The following TAOK3 variants were observed in gnomAD, a reference collection of about 807,000 sequenced individuals.
TAOK3 encodes the protein TAO kinase 3, also known as serine/threonine-protein kinase TAO3.
TAOK3 carries 40 observed loss-of-function variants against 120.4 expected under a neutral mutation model. That is an observed-to-expected ratio of 0.33 (90% CI 0.26 to 0.43). The LOEUF is 0.43. Among genes scored for constraint, TAOK3 ranks in the 20% least tolerant of loss-of-function variants. The probability of loss-of-function intolerance (pLI) is 1.00; values close to 1 mark genes in which losing one functional copy is unlikely to be tolerated. For synonymous variants in TAOK3, 355 were observed against 387.5 expected (o/e 0.92, Z 0.99); for missense variants, 821 against 1,112.1 (o/e 0.74, Z 3.72).
In TAOK3 at chr12:118,363,896, C is replaced by T. The variant is rs770544690; in HGVS notation, c.-194+8752G>A. 1.2e-4 allele frequency among the ~76,000 whole-genome samples: 18 copies of T among 152,036 alleles called. No individual in the cohort carries two copies. The East Asian group carries it at 1.9e-3, about 16-fold the overall frequency. The stretch of plus-strand genomic sequence containing the variant: ...CAACAGTTTGGGAGGCTGAGGTGGG[C>T]GGATCACCTGAGTTTGGGAGTTTGA... On this transcript the variant is annotated intron_variant, in intron 1 of 20. Coordinates refer to ENST00000392533, the MANE Select transcript of TAOK3 (RefSeq NM_016281.4).
chr12:118,305,791 C>A (rs2043029565), intron 1 of TAOK3, among the ~76,000 whole-genome samples: 1 of 150,058 alleles, frequency 6.7e-6, no homozygotes, highest in Non-Finnish European at 1.5e-5. Flanking sequence ...GTAATCCCAG[C>A]TATTTGGGAG....
intron 16 of TAOK3, among the ~76,000 whole-genome samples, chr12:118,176,621 A>G (rs958618802): frequency 6.6e-6 from 1 of 152,166 alleles, no homozygotes; most frequent in Non-Finnish European, 1.5e-5. Context: ...CTTGTTAGAA[A>G]CACAAATTTT....
chr12:118,163,258 C>T (rs1221061085), intron 17 of TAOK3, among the ~76,000 whole-genome samples: 2 of 152,300 alleles, frequency 1.3e-5, no homozygotes, highest in East Asian at 3.9e-4. Context: ...AGGGAATATA[C>T]TGATGCCTAA....
intron 11 of TAOK3, among the ~76,000 whole-genome samples, chr12:118,203,907 AATGCCCCTTAT>A (rs1472987663): frequency 6.6e-6 from 1 of 152,188 alleles, no homozygotes; most frequent in Non-Finnish European, 1.5e-5. Context: ...CAAAAGGGCA[AATGCCCCTTAT>A]ATAGCCCCTT....
chr12:118,165,868 T>TA (rs1490931887), intron 17 of TAOK3, among the ~76,000 whole-genome samples: 1 of 152,254 alleles, frequency 6.6e-6, no homozygotes, highest in Non-Finnish European at 1.5e-5. Context: ...AAAAACATGA[T>TA]ACTGAAATGG....
At chr12:118,334,007 T>C (rs1009642398) in intron 1 of TAOK3, among the ~76,000 whole-genome samples, 6 of 151,434 alleles carry the variant, frequency 4.0e-5, no homozygotes, top group African/African-American at 1.5e-4. Context: ...TGGTGGTGCA[T>C]GCCTGTAATC....
At chr12:118,285,909 G>C (rs564598249) in intron 1 of TAOK3, among the ~76,000 whole-genome samples, 1 of 152,222 alleles carries the variant, frequency 6.6e-6, no homozygotes, top group Non-Finnish European at 1.5e-5. Context: ...GGGACAACTC[G>C]AGGCAAAAGG....
chr12:118,273,687 A>G (rs1210267517), intron 1 of TAOK3, among the ~76,000 whole-genome samples: 4 of 151,832 alleles, frequency 2.6e-5, no homozygotes, highest in Admixed American at 6.6e-5. Context: ...GTGGTGGCGC[A>G]TACCTATAAT....
At position 118,338,583 on chromosome 12, in the gene TAOK3, C is replaced by T. The variant is rs374950221; in HGVS notation, c.-194+34065G>A. ...TGGGCGGATCACAAGGTCAGGAGCTCGAGACCAGCCTGGCCAATGTGGTGA... is the reference window on the plus strand; with the variant it reads ...TGGGCGGATCACAAGGTCAGGAGCTTGAGACCAGCCTGGCCAATGTGGTGA... On this transcript the variant is annotated intron_variant, in intron 1 of 20. Coordinates refer to ENST00000392533, the MANE Select transcript of TAOK3 (RefSeq NM_016281.4). Among the ~76,000 whole-genome samples, 14 of 145,884 alleles carry T rather than the reference C, an allele frequency of 9.6e-5. No homozygotes were observed. The East Asian group carries it at 9.7e-4, about 10-fold the overall frequency.
In TAOK3 at chr12:118,216,928, C is replaced by CA. The variant is rs11298822; in HGVS notation, c.644-2819dup. Among the ~76,000 whole-genome samples, 668 of 89,682 alleles carry CA rather than the reference C, an allele frequency of 7.4e-3. 4 individuals carry two copies. Among genetic ancestry groups the CA allele is most frequent in the African/African-American group, 0.02 (475 of 23,446 alleles). The allele number at this position is 89,682 out of a possible 152,430, so 58.8% of individuals were successfully genotyped here. Reference sequence around the variant, plus strand: ...TGGGCGTCAGAGTGAGACTCCATCTCAAAAAAAAAAAAAAAAAAAGAAAAA... The same window carrying CA: ...TGGGCGTCAGAGTGAGACTCCATCTCAAAAAAAAAAAAAAAAAAAAGAAAAA... On this transcript the variant is annotated intron_variant, in intron 9 of 20. Coordinates refer to ENST00000392533, the MANE Select transcript of TAOK3 (RefSeq NM_016281.4).
At chr12:118,175,568 A>G (rs765941794) in intron 16 of TAOK3, among the ~76,000 whole-genome samples, 1 of 152,170 alleles carries the variant, frequency 6.6e-6, no homozygotes, top group African/African-American at 2.4e-5. Flanking sequence ...TGGAGGTTGC[A>G]GTGAGCCGAG....
chr12:118,279,768 GTT>G (rs1241593301), intron 1 of TAOK3, among the ~76,000 whole-genome samples: 3 of 119,672 alleles, frequency 2.5e-5, no homozygotes, highest in Admixed American at 1.7e-4. Context: ...TTTTATTGTT[GTT>G]TTTTTTTTTT....
intron 3 of TAOK3, 106 bp downstream of exon 3, chr12:118,255,342 C>T (rs2040934932): frequency 4.0e-6 from 5 of 1,244,374 alleles, no homozygotes; most frequent in Non-Finnish European, 5.5e-6. Context: ...TTCCTCCCAC[C>T]TTGGCCTTGC....
At chr12:118,296,147 C>A (rs532169663) in intron 1 of TAOK3, among the ~76,000 whole-genome samples, 1 of 152,022 alleles carries the variant, frequency 6.6e-6, no homozygotes, top group Non-Finnish European at 1.5e-5. Context: ...AAAGGTAAAA[C>A]GTATGTGGGA....
chr12:118,190,093 G>A (rs2037350020), intron 13 of TAOK3, 152 bp from the exon 14 acceptor site: 3 of 924,006 alleles, frequency 3.2e-6, no homozygotes, highest in African/African-American at 1.6e-5. Flanking sequence ...GGTACAAAAT[G>A]AATAAGCAAC....
Position 118,202,514 on chromosome 12 carries a change from C to A in TAOK3, c.820-1051G>T, listed in dbSNP as rs531017492. On this transcript the variant is annotated intron_variant, in intron 11 of 20. Coordinates refer to ENST00000392533, the MANE Select transcript of TAOK3 (RefSeq NM_016281.4). Reference sequence around the variant, plus strand: ...ATATAAGGATTCCCTTTTCTCTATACCCTTGCCACTTATTATCGCTTATCT... The same window carrying A: ...ATATAAGGATTCCCTTTTCTCTATAACCTTGCCACTTATTATCGCTTATCT... 7.9e-5 allele frequency among the ~76,000 whole-genome samples: 12 copies of A among 152,204 alleles called. No individual in the cohort carries two copies. In the East Asian group the frequency reaches 2.3e-3, roughly 29 times the overall value.
chr12:118,184,119 C>G (rs894369034), intron 14 of TAOK3, among the ~76,000 whole-genome samples: 1 of 152,132 alleles, frequency 6.6e-6, no homozygotes, highest in Non-Finnish European at 1.5e-5. Flanking sequence ...CCACTGAATT[C>G]CAGGAGAGAC....
intron 1 of TAOK3, among the ~76,000 whole-genome samples, chr12:118,332,975 A>AACACACACACACACAC (rs146893418): frequency 0.091 from 13,664 of 149,620 alleles, 660 homozygotes; most frequent in African/African-American, 0.11. Flanking sequence ...CAACAGTTTC[A>AACACACACACACACAC]ACACACACAC....
intron 11 of TAOK3, among the ~76,000 whole-genome samples, chr12:118,206,708 T>C (rs532391489): frequency 1.3e-5 from 2 of 152,132 alleles, no homozygotes; most frequent in East Asian, 3.9e-4. Flanking sequence ...GCAATTCCCC[T>C]GTTTCAGCCT....
Sources: allele counts gnomAD v4.1 joint callset (sites outside exome capture counted in the v4.1 genomes callset), GRCh38; gene constraint gnomAD v4.1.1; transcripts MANE v1.5; gene names NCBI Gene and HGNC (gene_info 2026-07-23, HGNC 2026-07-21).